CLPX: variants seen among roughly 807,000 people sequenced by gnomAD.
CLPX encodes caseinolytic mitochondrial matrix peptidase chaperone subunit X.
Under a neutral mutation model 76.4 loss-of-function variants are expected in CLPX, and 34 were observed. The observed-to-expected ratio is 0.45, with a 90% CI of 0.34 to 0.59. The LOEUF is 0.59. Among genes scored for constraint, CLPX ranks in the 20% least tolerant of loss-of-function variants. The pLI, the probability that CLPX is intolerant of heterozygous loss-of-function variation, is 0.01. For missense variants in CLPX, 613 were observed against 757.0 expected (o/e 0.81, Z 2.23); for synonymous variants, 248 against 270.9 (o/e 0.92, Z 0.83).
chr15:65,153,837 T>G (rs1353317495), intron 11 of CLPX, among the ~76,000 whole-genome samples, 198 bp from the exon 12 acceptor site: 2 of 152,186 alleles, frequency 1.3e-5, no homozygotes, highest in Non-Finnish European at 2.9e-5. Flanking sequence ...TTTTCTAGAT[T>G]AACACGGACT....
chr15:65,155,242 A>C (rs930327608), intron 10 of CLPX, among the ~76,000 whole-genome samples, 161 bp from the exon 11 acceptor site: 2 of 152,194 alleles, frequency 1.3e-5, no homozygotes, highest in Non-Finnish European at 2.9e-5. Flanking sequence ...AGAGAGTTTA[A>C]TATCTTGACC....
intron 3 of CLPX, among the ~76,000 whole-genome samples, chr15:65,173,453 T>G (rs1365784946): frequency 6.6e-6 from 1 of 151,090 alleles, no homozygotes; most frequent in Non-Finnish European, 1.5e-5. Context: ...GCTGGTCAGA[T>G]TGTAAAATGG....
rs559903228 is a variant in CLPX, at chr15:65,161,159, G to A, written c.715+1445C>T. On this transcript the variant is annotated intron_variant, in intron 6 of 13. Transcript: ENST00000300107. ...GTATTATTATTACCATTTCCCTAGT[G>A]TTTAATTATTCACACAACACAGCCC... Among the ~76,000 whole-genome samples, 44 of 152,250 alleles carry A rather than the reference G, an allele frequency of 2.9e-4. 1 individual carries two copies. The South Asian group carries it at 9.1e-3, about 32-fold the overall frequency.
At chr15:65,151,005 C>CT (rs1374712499) in intron 13 of CLPX, 92 bp from the exon 14 acceptor site, 1 of 793,674 alleles carries the variant, frequency 1.3e-6, no homozygotes. Flanking sequence ...CCTCTCCTAG[C>CT]TAAGAAAGCC....
rs747366233 is a variant in CLPX at position 65,178,947 on chromosome 15, T to G, written c.345A>C (p.Val115=). The change falls in exon 3 of 14, where the codon GTA becomes GTC. Residue 115 remains valine (V), a synonymous_variant. Coordinates refer to ENST00000300107, the MANE Select transcript of CLPX (RefSeq NM_006660.5). ...CPKCGDLCTH[V]ETFVSSTRFV... Reference sequence around the variant, plus strand: ...TGTAATACTTACATACAAAGGTCTCTACATGTGTGCACAAGTCGCCACATT... The same window carrying G: ...TGTAATACTTACATACAAAGGTCTCGACATGTGTGCACAAGTCGCCACATT... 1.9e-6 allele frequency: 3 copies of G among 1,596,188 alleles called. No individual in the cohort carries two copies. The African/African-American group carries it at 4.0e-5, about 21-fold the overall frequency.
chr15:65,156,779 A>G lies in CLPX; in HGVS notation c.1146+65T>C, dbSNP rs1184131525. 5 of 993,056 alleles carry G rather than the reference A, an allele frequency of 5.0e-6. No homozygotes were observed. In the East Asian group the frequency reaches 9.6e-5, roughly 19 times the overall value. The allele number at this position is 993,056 out of a possible 1,614,324, so 61.5% of individuals were successfully genotyped here. On this transcript the variant is annotated intron_variant, in intron 9 of 13. Transcript: ENST00000300107. ...AATTGAATGTGAAACCAAACGTACA[A>G]TATTTGGGAGGTTGATGTATTCCCT... is the stretch of plus-strand genomic sequence containing the variant.
chr15:65,179,722 T>C (rs2088138478), intron 2 of CLPX, among the ~76,000 whole-genome samples: 2 of 152,216 alleles, frequency 1.3e-5, no homozygotes. Context: ...GTGAGGTTTA[T>C]ACTGCCATGG....
At chr15:65,182,010 C>T (rs2088180643) in intron 1 of CLPX, among the ~76,000 whole-genome samples, 1 of 151,106 alleles carries the variant, frequency 6.6e-6, no homozygotes. Flanking sequence ...GTAGTCTCAG[C>T]TACCCGGGAT....
chr15:65,166,980 C>T (rs2087923123), intron 3 of CLPX, among the ~76,000 whole-genome samples, 195 bp from the exon 4 acceptor site: 2 of 152,292 alleles, frequency 1.3e-5, no homozygotes, highest in South Asian at 4.1e-4. Context: ...CTACCTTTTG[C>T]TCATTTCTAT....
At position 65,150,573 on chromosome 15, in the gene CLPX, T is replaced by A. The variant is rs560268279; in HGVS notation, c.*250A>T. Reference sequence around the variant, plus strand: ...GAATTTTGTTAAAGCATATTTTTTTTAAAAAACTGAACCAAAATAATGTAC... The same window carrying A: ...GAATTTTGTTAAAGCATATTTTTTTAAAAAAACTGAACCAAAATAATGTAC... On this transcript the variant is annotated 3_prime_UTR_variant, in exon 14 of 14. Transcript: ENST00000300107. 7.5e-4 allele frequency: 221 copies of A among 293,362 alleles called. 1 individual carries two copies. Among genetic ancestry groups the A allele is most frequent in the African/African-American group, 3.3e-3 (154 of 46,098 alleles). The allele number at this position is 293,362 out of a possible 1,614,324, so 18.2% of individuals were successfully genotyped here.
In CLPX at chr15:65,180,102, G is replaced by T. The variant is rs1426122699; in HGVS notation, c.182C>A (p.Pro61Gln). 1 of 1,612,478 alleles carries T rather than the reference G, an allele frequency of 6.2e-7. No homozygotes were observed. Among genetic ancestry groups the T allele is most frequent in the African/African-American group, 1.3e-5 (1 of 74,934 alleles). The stretch of plus-strand genomic sequence containing the variant: ...CCCATCTTTTGAGGCAAAGTATGCT[G>T]GTGTTTCTGTAAAGGATCTAAGAGG... The part of the protein sequence containing the change: ...RAPLRSFTET[P>Q]AYFASKDGIS... Residue 61 changes from proline (P) to glutamine (Q), a missense_variant, in exon 2 of 14, where the codon CCA becomes CAA. Pro to Gln is a moderately conservative substitution (Grantham distance 76). This residue lies in a region of CLPX where 163 missense variants were observed against 118.4 expected (regional missense o/e 1.38). Coordinates refer to ENST00000300107, the MANE Select transcript of CLPX (RefSeq NM_006660.5).
intron 3 of CLPX, among the ~76,000 whole-genome samples, chr15:65,174,531 G>A (rs2088061070): frequency 6.6e-6 from 1 of 152,156 alleles, no homozygotes; most frequent in Admixed American, 6.5e-5. Context: ...CCAAAGTGCT[G>A]GGATTACAGG....
In CLPX at chr15:65,166,694, A is replaced by G. The variant is rs143519224; in HGVS notation, c.450T>C (p.Pro150=). 3.0e-5 allele frequency: 48 copies of G among 1,613,986 alleles called. No individual in the cohort carries two copies. In the African/African-American group the frequency reaches 4.7e-4, roughly 16 times the overall value. Residue 150 remains proline (P), a synonymous_variant, in exon 4 of 14, where the codon CCT becomes CCC. Coordinates refer to ENST00000300107, the MANE Select transcript of CLPX (RefSeq NM_006660.5). ...ATTTTACAGCTTCTGCTGCTGATTCAGGTTCTTTAATTATGCTTTTCTTTG... is the reference window on the plus strand; with the variant it reads ...ATTTTACAGCTTCTGCTGCTGATTCGGGTTCTTTAATTATGCTTTTCTTTG... ...ADSKKSIIKE[P]ESAAEAVKLA...
intron 13 of CLPX, among the ~76,000 whole-genome samples, chr15:65,151,749 C>T (rs1296048207): frequency 6.6e-6 from 1 of 152,106 alleles, no homozygotes; most frequent in Admixed American, 6.6e-5. Flanking sequence ...CATCAACTGC[C>T]TCTAAAGTTA....
intron 11 of CLPX, 45 bp from the exon 12 acceptor site, chr15:65,153,684 G>A: frequency 8.6e-7 from 1 of 1,160,448 alleles, no homozygotes; most frequent in South Asian, 1.5e-5. Flanking sequence ...TTGTTAATTT[G>A]TACCACCAGA....
intron 1 of CLPX, among the ~76,000 whole-genome samples, chr15:65,183,460 C>CA (rs61002905): frequency 0.02 from 1,347 of 66,152 alleles, 43 homozygotes; most frequent in Non-Finnish European, 0.028. Flanking sequence ...GACTCTGTCT[C>CA]AAAAAAAAAA....
intron 13 of CLPX, 26 bp downstream of exon 13, chr15:65,152,403 CT>C (rs2087732874): frequency 8.9e-7 from 1 of 1,129,438 alleles, no homozygotes; most frequent in Non-Finnish European, 1.2e-6. Flanking sequence ...AATTTTGTAT[CT>C]GTTCTGGCTT....
chr15:65,168,418 A>G (rs2087949992), intron 3 of CLPX, among the ~76,000 whole-genome samples: 1 of 133,424 alleles, frequency 7.5e-6, no homozygotes, highest in Non-Finnish European at 1.6e-5. Flanking sequence ...AAATTTGTGG[A>G]TACACAGTGA....
chr15:65,176,258 A>G (rs1186544007), intron 3 of CLPX, among the ~76,000 whole-genome samples: 1 of 152,238 alleles, frequency 6.6e-6, no homozygotes, highest in Non-Finnish European at 1.5e-5. Context: ...TAAGTTTAAC[A>G]GTCACCTTCA....
Sources: gnomAD v4.1 joint callset for allele counts (sites outside exome capture counted in the v4.1 genomes callset) on GRCh38, gnomAD v4.1.1 for gene constraint, gnomAD v4.1.1 regional missense constraint, MANE v1.5 for transcripts, NCBI Gene and HGNC (gene_info 2026-07-23, HGNC 2026-07-21) for gene names.